Variants in CC2D2A observed in about 807,000 individuals in gnomAD.
CC2D2A encodes the protein coiled-coil and C2 domain-containing protein 2A.
A neutral mutation model predicts 212.9 loss-of-function variants in CC2D2A; 155 were observed. That is an observed-to-expected ratio of 0.73 (90% CI 0.64 to 0.83). The LOEUF (loss-of-function observed/expected upper bound fraction) is 0.83. Ranked by LOEUF, CC2D2A falls within the 40% of genes least tolerant of loss-of-function variation. The pLI is 0.00. For missense variants in CC2D2A, 1,856 were observed against 1,956.2 expected, an observed-to-expected ratio of 0.95 and a Z score of 0.97; for synonymous variants, 667 against 686.5, an observed-to-expected ratio of 0.97 and a Z score of 0.44.
At chr4:15,527,769 T>A (rs1717594020) in intron 12 of CC2D2A, 113 bp downstream of exon 12, 1 of 778,666 alleles carries the variant, frequency 1.3e-6, no homozygotes, top group African/African-American at 1.7e-5. Flanking sequence ...ACATGTTTCC[T>A]CGGTTTAGGA....
intron 29 of CC2D2A, among the ~76,000 whole-genome samples, chr4:15,578,298 C>T (rs1035293945): frequency 2.0e-5 from 3 of 152,126 alleles, no homozygotes; most frequent in African/African-American, 7.2e-5. Context: ...CCTAAATAAC[C>T]CCTACAACCA....
intron 32 of CC2D2A, among the ~76,000 whole-genome samples, chr4:15,589,064 A>T (rs1327116265): frequency 2.0e-5 from 3 of 151,852 alleles, no homozygotes; most frequent in Non-Finnish European, 4.4e-5. Context: ...CCCCAGGTAC[A>T]GTCATTCTTA....
chr4:15,586,687 A>T (rs1369993493), intron 31 of CC2D2A, among the ~76,000 whole-genome samples: 1 of 152,182 alleles, frequency 6.6e-6, no homozygotes, highest in African/African-American at 2.4e-5. Context: ...TTCTGGCTAT[A>T]AATGAAATAA....
chr4:15,563,302 T>A, intron 23 of CC2D2A, 53 bp from the exon 24 acceptor site: 1 of 1,511,798 alleles, frequency 6.6e-7, no homozygotes, highest in Non-Finnish European at 8.9e-7. Flanking sequence ...CGTCTCACAA[T>A]TTTGCAGACC....
chr4:15,547,899 C>T (rs1718793290), intron 17 of CC2D2A, among the ~76,000 whole-genome samples: 1 of 151,724 alleles, frequency 6.6e-6, no homozygotes, highest in Non-Finnish European at 1.5e-5. Context: ...ATTAGCGGGG[C>T]GTGGTGGTGC....
intron 13 of CC2D2A, among the ~76,000 whole-genome samples, chr4:15,530,363 A>G (rs929655245): frequency 1.1e-4 from 17 of 152,198 alleles, no homozygotes; most frequent in African/African-American, 3.4e-4. Flanking sequence ...TTTGTAACCT[A>G]TAATTGCAAA....
chr4:15,535,005 GA>G (rs958217895), intron 14 of CC2D2A, among the ~76,000 whole-genome samples: 28 of 138,474 alleles, frequency 2.0e-4, no homozygotes, highest in South Asian at 9.3e-4. Flanking sequence ...TTATAAAATT[GA>G]AAAAAAAAAG....
intron 2 of CC2D2A, among the ~76,000 whole-genome samples, chr4:15,477,913 T>C (rs562940956): frequency 6.6e-6 from 1 of 152,214 alleles, no homozygotes; most frequent in Non-Finnish European, 1.5e-5. Flanking sequence ...ATTCATACTT[T>C]GTGTTCCGAA....
intron 35 of CC2D2A, 46 bp from the exon 36 acceptor site, chr4:15,599,483 G>C: frequency 7.7e-7 from 1 of 1,298,822 alleles, no homozygotes; most frequent in Non-Finnish European, 1.1e-6. Flanking sequence ...TTTTTAACAA[G>C]GGAAAAGTGA....
intron 4 of CC2D2A, among the ~76,000 whole-genome samples, chr4:15,495,712 A>C (rs906752465): frequency 3.9e-5 from 6 of 152,084 alleles, no homozygotes; most frequent in African/African-American, 9.7e-5. Flanking sequence ...ATGTGTCTTT[A>C]TGGTAGAATG....
chr4:15,541,144 T>C lies in CC2D2A; in HGVS notation c.2181+130T>C, dbSNP rs1718419664. 35 of 643,470 alleles carry C rather than the reference T, an allele frequency of 5.4e-5. No homozygotes were observed. In the South Asian group the frequency reaches 1.0e-3, roughly 19 times the overall value. 39.9% of individuals were successfully genotyped at this position (643,470 alleles called of 1,614,324 possible). On this transcript the variant is annotated intron_variant, in intron 17 of 36. Coordinates refer to ENST00000424120, the MANE Select transcript of CC2D2A (RefSeq NM_001378615.1). ...CTGGCCAACATGGCAAAACCACATCTCTACTGTAAATACAAAAAAAAAAAA... is the reference window on the plus strand; with the variant it reads ...CTGGCCAACATGGCAAAACCACATCCCTACTGTAAATACAAAAAAAAAAAA...
At chr4:15,589,201 T>C (rs1300760589) in intron 32 of CC2D2A, among the ~76,000 whole-genome samples, 2 of 152,152 alleles carry the variant, frequency 1.3e-5, no homozygotes, top group Non-Finnish European at 2.9e-5. Context: ...TCTATAGACT[T>C]AAATGGCAGT....
intron 11 of CC2D2A, among the ~76,000 whole-genome samples, chr4:15,522,699 A>C (rs1717277732): frequency 6.6e-6 from 1 of 152,218 alleles, no homozygotes; most frequent in African/African-American, 2.4e-5. Flanking sequence ...AATACAATTT[A>C]ATACATCTTA....
intron 4 of CC2D2A, among the ~76,000 whole-genome samples, chr4:15,493,215 C>T (rs1224310581): frequency 6.6e-6 from 1 of 151,950 alleles, no homozygotes; most frequent in Non-Finnish European, 1.5e-5. Context: ...TCTTAAGTCA[C>T]CTGGAGGCCC....
At chr4:15,516,546 A>G (rs926971162) in intron 10 of CC2D2A, 79 bp from the exon 11 acceptor site, 1 of 1,392,986 alleles carries the variant, frequency 7.2e-7, no homozygotes, top group Non-Finnish European at 9.8e-7. Context: ...CAGAATTTTC[A>G]AGAAATGTTG....
chr4:15,601,459 A>G lies in CC2D2A; in HGVS notation c.*34A>G, dbSNP rs1488384115. ...ACTGTACTTTCTGTATCATGTAAAA[A>G]CTACACTTAGGATATGAGAAAATTT... On this transcript the variant is annotated 3_prime_UTR_variant, in exon 37 of 37. Transcript: ENST00000424120. 1 of 1,327,600 alleles carries G rather than the reference A, an allele frequency of 7.5e-7. No individual in the cohort carries two copies. The highest frequency in any genetic ancestry group is 3.1e-5 in the Admixed American group (1 of 31,886). The allele number at this position is 1,327,600 out of a possible 1,614,324, so 82.2% of individuals were successfully genotyped here.
chr4:15,568,725 C>T (rs1720014007), intron 26 of CC2D2A, among the ~76,000 whole-genome samples: 1 of 152,190 alleles, frequency 6.6e-6, no homozygotes, highest in East Asian at 1.9e-4. Context: ...CAGACACCAG[C>T]CCTGCCATGC....
rs1223547465 is a variant in CC2D2A at position 15,563,370 on chromosome 4, C to G, written c.3030C>G (p.Ser1010Arg). The change falls in exon 24 of 37, where the codon AGC becomes AGG. Residue 1010 changes from serine to arginine, a missense_variant. Physicochemically the swap from Ser to Arg is moderately radical, Grantham distance 110. Coordinates refer to ENST00000424120, the MANE Select transcript of CC2D2A (RefSeq NM_001378615.1). Reference sequence around the variant, plus strand: ...TAATCATTAGCATTTTGGGCCTAAGCCTTTTCAAGCTGGCAGAACAAAAGC... The same window carrying G: ...TAATCATTAGCATTTTGGGCCTAAGGCTTTTCAAGCTGGCAGAACAAAAGC... ...EVPNISILGL[S>R]LFKLAEQKRP... is the part of the protein sequence containing the mutation. 1.9e-6 allele frequency: 3 copies of G among 1,603,606 alleles called. No homozygotes were observed. In the East Asian group the frequency reaches 6.7e-5, roughly 36 times the overall value.
chr4:15,533,339 C>T lies in CC2D2A; in HGVS notation c.1607+6C>T. 6.6e-7 allele frequency: 1 copy of T among 1,523,846 alleles called. No homozygotes were observed. Among genetic ancestry groups the T allele is most frequent in the African/African-American group, 1.4e-5 (1 of 71,336 alleles). The allele number at this position is 1,523,846 out of a possible 1,614,324, so 94.4% of individuals were successfully genotyped here. The stretch of plus-strand genomic sequence containing the variant: ...TTGAAACTTGTTTTGAGAAAGTAGG[C>T]TTTTTTGAAAAATTATTTTATTGGG... On this transcript the variant is annotated splice_donor_region_variant and intron_variant, in intron 14 of 36. Coordinates refer to ENST00000424120, the MANE Select transcript of CC2D2A (RefSeq NM_001378615.1).
Sources: allele counts gnomAD v4.1 joint callset (sites outside exome capture counted in the v4.1 genomes callset), GRCh38; gene constraint gnomAD v4.1.1; transcripts MANE v1.5; gene names NCBI Gene and HGNC (gene_info 2026-07-23, HGNC 2026-07-21).